The following NOP58 variants were observed in gnomAD, a reference collection of about 807,000 sequenced individuals.
NOP58 encodes the protein NOP58 ribonucleoprotein, also known as nucleolar protein 58.
NOP58 carries 44 observed loss-of-function variants against 71.2 expected under a neutral mutation model. The ratio of observed to expected loss-of-function variants is 0.62; its 90% CI spans 0.49 to 0.79. NOP58 has a LOEUF of 0.79. Ranked by LOEUF, NOP58 falls within the 30% of genes least tolerant of loss-of-function variation. NOP58 has a pLI of 0.00. For missense variants in NOP58, 538 were observed against 620.2 expected, an observed-to-expected ratio of 0.87 and a Z score of 1.41; for synonymous variants, 228 against 200.3, an observed-to-expected ratio of 1.14 and a Z score of -1.17.
At chr2:202,296,717 T>TTTTGTTTGTTTGTTTG (rs144056381) in intron 10 of NOP58, among the ~76,000 whole-genome samples, 2 of 149,080 alleles carry the variant, frequency 1.3e-5, no homozygotes, top group Admixed American at 6.7e-5. Context: ...CCACGCTTTT[T>TTTTGTTTGTTTGTTTG]TTTGTTTGTT....
intron 9 of NOP58, among the ~76,000 whole-genome samples, chr2:202,294,734 G>A (rs1688962218): frequency 1.3e-5 from 2 of 152,176 alleles, no homozygotes; most frequent in African/African-American, 4.8e-5. Context: ...GGAAGCTGAG[G>A]AGGGTGGATC....
intron 1 of NOP58, among the ~76,000 whole-genome samples, chr2:202,270,789 TTAAAAA>T (rs1273911813): frequency 6.6e-6 from 1 of 151,890 alleles, no homozygotes; most frequent in Non-Finnish European, 1.5e-5. Flanking sequence ...AAGCAATCAA[TTAAAAA>T]TGAAAATGAG....
At chr2:202,302,786 A>C in intron 13 of NOP58, 135 bp from the exon 14 acceptor site, 1 of 1,251,024 alleles carries the variant, frequency 8.0e-7, no homozygotes. Flanking sequence ...GAACCTTCCC[A>C]ATTATAAAAT....
intron 4 of NOP58, 73 bp from the exon 5 acceptor site, chr2:202,284,272 C>CA: frequency 7.6e-7 from 1 of 1,322,406 alleles, no homozygotes; most frequent in Non-Finnish European, 1.0e-6. Flanking sequence ...TACTGTGTCT[C>CA]AAAAAATAAT....
Position 202,284,381 on chromosome 2 carries a change from G to C in NOP58, c.334G>C (p.Val112Leu), listed in dbSNP as rs1688756136. 5 of 1,612,866 alleles carry C rather than the reference G, an allele frequency of 3.1e-6. No individual in the cohort carries two copies. Among genetic ancestry groups the C allele is most frequent in the Non-Finnish European group, 4.2e-6 (5 of 1,179,202 alleles). The change falls in exon 5 of 15, where the codon GTT (valine) becomes CTT (leucine). Residue 112 changes from valine (V) to leucine (L), a missense_variant. Coordinates refer to ENST00000264279, the MANE Select transcript of NOP58 (RefSeq NM_015934.5). Reference protein sequence around the residue: ...LNLSCIHSPVVNELMRGIRSQ... With the variant: ...LNLSCIHSPVLNELMRGIRSQ... ...TCTCAGTTGTATCCATAGTCCTGTT[G>C]TTAATGAACTTATGAGAGGAATTCG...
chr2:202,276,715 A>C (rs565550633), intron 2 of NOP58, among the ~76,000 whole-genome samples: 1 of 152,042 alleles, frequency 6.6e-6, no homozygotes, highest in African/African-American at 2.4e-5. Flanking sequence ...GTGCACACCT[A>C]TAGTCCTAGC....
intron 1 of NOP58, among the ~76,000 whole-genome samples, chr2:202,272,143 T>G (rs1343662419): frequency 7.1e-6 from 1 of 140,868 alleles, no homozygotes; most frequent in African/African-American, 2.6e-5. Flanking sequence ...TTTGTTCTGA[T>G]GTATAATTTT....
At chr2:202,294,299 C>T (rs571786725) in intron 9 of NOP58, among the ~76,000 whole-genome samples, 41 of 130,780 alleles carry the variant, frequency 3.1e-4, no homozygotes, top group South Asian at 7.4e-4. Flanking sequence ...GCAGTGGTGA[C>T]ATTGCTTGCC....
chr2:202,296,812 C>T (rs1689001992), intron 10 of NOP58, among the ~76,000 whole-genome samples: 2 of 152,070 alleles, frequency 1.3e-5, no homozygotes, highest in African/African-American at 2.4e-5. Context: ...CGGCTCACTG[C>T]AAGCTCTGCC....
At chr2:202,273,531 T>G (rs1574376395) in intron 1 of NOP58, among the ~76,000 whole-genome samples, 1 of 152,246 alleles carries the variant, frequency 6.6e-6, no homozygotes, top group South Asian at 2.1e-4. Flanking sequence ...ACTATTACCA[T>G]TGCAATCTTT....
intron 6 of NOP58, among the ~76,000 whole-genome samples, chr2:202,289,098 T>C (rs1470058713): frequency 1.3e-5 from 2 of 151,638 alleles, no homozygotes; most frequent in East Asian, 3.9e-4. Flanking sequence ...CCATCCTGGG[T>C]GATGGAGTTA....
intron 6 of NOP58, among the ~76,000 whole-genome samples, chr2:202,288,894 GA>G (rs1475004649): frequency 6.6e-6 from 1 of 152,054 alleles, no homozygotes; most frequent in Non-Finnish European, 1.5e-5. Context: ...CAAGGCGGGT[GA>G]ATTGCCTGAG....
intron 1 of NOP58, 97 bp downstream of exon 1, chr2:202,266,083 G>T: frequency 1.4e-6 from 2 of 1,415,136 alleles, no homozygotes; most frequent in South Asian, 1.2e-5. Context: ...AGTAGCGTGG[G>T]TGCCTGTTAT....
chr2:202,280,606 A>G (rs1559261852), intron 3 of NOP58, among the ~76,000 whole-genome samples: 1 of 151,848 alleles, frequency 6.6e-6, no homozygotes, highest in Non-Finnish European at 1.5e-5. Flanking sequence ...TGCTGGGATT[A>G]CAAGCATGAG....
chr2:202,280,732 T>C (rs1688687702), intron 3 of NOP58, among the ~76,000 whole-genome samples: 1 of 151,846 alleles, frequency 6.6e-6, no homozygotes, highest in South Asian at 2.1e-4. Context: ...CATGAAGTGG[T>C]TTATTTTTAT....
chr2:202,288,714 C>T (rs1024740815), intron 6 of NOP58, among the ~76,000 whole-genome samples: 1 of 151,934 alleles, frequency 6.6e-6, no homozygotes, highest in Non-Finnish European at 1.5e-5. Flanking sequence ...ATTCAGGAGG[C>T]TGAGGCAGGA....
At position 202,284,427 on chromosome 2, in the gene NOP58, T is replaced by C; in HGVS notation, c.380T>C (p.Ile127Thr). The change falls in exon 5 of 15, where the codon ATC becomes ACC. Residue 127 changes from isoleucine to threonine, a missense_variant. By Grantham distance (89) the Ile-to-Thr change is moderately conservative (BLOSUM62 -1). Coordinates refer to ENST00000264279, the MANE Select transcript of NOP58 (RefSeq NM_015934.5). ...RGIRSQMDGL[I>T]PGVEPREMAA... ...ATTCGTTCACAAATGGATGGATTAA[T>C]CCCTGGGGTAGAACCACGTGAAATG... 1 of 1,614,078 alleles carries C rather than the reference T, an allele frequency of 6.2e-7. No homozygotes were observed. The highest frequency in any genetic ancestry group is 8.5e-7 in the Non-Finnish European group (1 of 1,179,946).
At chr2:202,277,191 G>A (rs1559260805) in intron 2 of NOP58, among the ~76,000 whole-genome samples, 1 of 152,048 alleles carries the variant, frequency 6.6e-6, no homozygotes, top group Non-Finnish European at 1.5e-5. Context: ...GGAGGCTGAG[G>A]CAGGAGAATG....
chr2:202,267,245 T>TA (rs1456848855), intron 1 of NOP58, among the ~76,000 whole-genome samples: 1 of 152,130 alleles, frequency 6.6e-6, no homozygotes, highest in Non-Finnish European at 1.5e-5. Context: ...AAACGCTAGG[T>TA]AAAAATAAAT....
Sources: gnomAD v4.1 joint callset for allele counts (sites outside exome capture counted in the v4.1 genomes callset) on GRCh38, gnomAD v4.1.1 for gene constraint, MANE v1.5 for transcripts, NCBI Gene and HGNC (gene_info 2026-07-23, HGNC 2026-07-21) for gene names.